CDH12: variants seen among roughly 807,000 people sequenced by gnomAD.
CDH12 encodes the protein cadherin-12.
A neutral mutation model predicts 74.1 loss-of-function variants in CDH12; 41 were observed. That is an observed-to-expected ratio of 0.55 (90% CI 0.43 to 0.72). CDH12 has a LOEUF of 0.72. Ranked by LOEUF, CDH12 falls within the 30% of genes least tolerant of loss-of-function variation. The pLI, the probability that CDH12 is intolerant of heterozygous loss-of-function variation, is 0.00. For missense variants in CDH12, 945 were observed against 977.2 expected (o/e 0.97, Z 0.44); for synonymous variants, 399 against 355.0 (o/e 1.12, Z -1.39).
At chr5:22,094,472 C>A (rs1743625853) in intron 4 of CDH12, among the ~76,000 whole-genome samples, 1 of 152,036 alleles carries the variant, frequency 6.6e-6, no homozygotes, top group Non-Finnish European at 1.5e-5. Context: ...GCACAAAGTA[C>A]ATTTCTCAGA....
intron 12 of CDH12, 87 bp from the exon 13 acceptor site, chr5:21,760,762 C>T: frequency 1.3e-6 from 1 of 794,842 alleles, no homozygotes. Flanking sequence ...ATGAAGCATG[C>T]AAGTAGACAG....
intron 4 of CDH12, among the ~76,000 whole-genome samples, chr5:22,096,269 C>T (rs955525464): frequency 6.6e-6 from 1 of 152,116 alleles, no homozygotes; most frequent in South Asian, 2.1e-4. Context: ...ATTTTTCCGT[C>T]CTACAAGATC....
intron 4 of CDH12, among the ~76,000 whole-genome samples, chr5:22,187,468 G>T (rs7713758): frequency 0.98 from 147,920 of 151,320 alleles, 72,418 homozygotes; most frequent in East Asian, 1. Flanking sequence ...CCATAACTGT[G>T]GCCATTTAAT....
intron 2 of CDH12, among the ~76,000 whole-genome samples, chr5:22,422,755 G>A (rs187142677): frequency 1.3e-5 from 2 of 152,068 alleles, no homozygotes; most frequent in East Asian, 1.9e-4. Flanking sequence ...AGTTACAGAT[G>A]GGCATTCATT....
intron 1 of CDH12, among the ~76,000 whole-genome samples, chr5:22,566,070 A>G (rs79764720): frequency 6.6e-6 from 1 of 152,192 alleles, no homozygotes; most frequent in Admixed American, 6.5e-5. Flanking sequence ...GAAGTATGTT[A>G]CAGATTCCAT....
intron 5 of CDH12, among the ~76,000 whole-genome samples, chr5:22,005,175 G>A (rs1330160553): frequency 6.6e-6 from 1 of 152,016 alleles, no homozygotes; most frequent in East Asian, 1.9e-4. Context: ...TGGGTAGCTG[G>A]GATTACAGGC....
At chr5:21,860,200 G>C (rs1750970815) in intron 6 of CDH12, among the ~76,000 whole-genome samples, 1 of 151,938 alleles carries the variant, frequency 6.6e-6, no homozygotes, top group Non-Finnish European at 1.5e-5. Context: ...GTATACATTT[G>C]TACTAAGAAA....
At chr5:22,758,432 CA>C (rs1192722453) in intron 1 of CDH12, among the ~76,000 whole-genome samples, 2 of 152,064 alleles carry the variant, frequency 1.3e-5, no homozygotes, top group East Asian at 3.9e-4. Context: ...CACAAAAAAG[CA>C]AACAAACAAA....
intron 1 of CDH12, among the ~76,000 whole-genome samples, chr5:22,801,180 A>G (rs1488924393): frequency 6.6e-6 from 1 of 152,192 alleles, no homozygotes; most frequent in Non-Finnish European, 1.5e-5. Context: ...TTAGTTCCTG[A>G]GTCTTCATAC....
intron 1 of CDH12, among the ~76,000 whole-genome samples, chr5:22,770,221 G>A (rs930185013): frequency 6.6e-6 from 1 of 151,938 alleles, no homozygotes; most frequent in African/African-American, 2.4e-5. Flanking sequence ...AAAGAAATCT[G>A]AAACCTCTAC....
intron 1 of CDH12, among the ~76,000 whole-genome samples, chr5:22,607,936 T>C (rs1307588678): frequency 1.3e-5 from 2 of 152,204 alleles, no homozygotes; most frequent in African/African-American, 2.4e-5. Flanking sequence ...TGGGAACACC[T>C]GGAAGTCCAG....
intron 1 of CDH12, among the ~76,000 whole-genome samples, chr5:22,749,974 C>T (rs2127032547): frequency 6.6e-6 from 1 of 152,312 alleles, no homozygotes; most frequent in African/African-American, 2.4e-5. Flanking sequence ...ACTTCTTCCA[C>T]CTTCATTTAC....
chr5:21,892,779 TTTGGTTTCAGGA>T (rs1752953962), intron 6 of CDH12, among the ~76,000 whole-genome samples: 1 of 152,186 alleles, frequency 6.6e-6, no homozygotes, highest in African/African-American at 2.4e-5. Context: ...TGCTGCCTGA[TTTGGTTTCAGGA>T]AAAGCAAAAG....
chr5:22,126,932 G>A (rs2150282611), intron 4 of CDH12, among the ~76,000 whole-genome samples: 1 of 152,252 alleles, frequency 6.6e-6, no homozygotes, highest in East Asian at 1.9e-4. Context: ...TCATTCCCGT[G>A]TTAAAATACG....
chr5:22,197,308 C>T (rs1352239722), intron 4 of CDH12, among the ~76,000 whole-genome samples: 8 of 151,954 alleles, frequency 5.3e-5, no homozygotes, highest in East Asian at 1.9e-4. Flanking sequence ...ATTAGCTGGG[C>T]GTGGTGGCAG....
intron 2 of CDH12, among the ~76,000 whole-genome samples, chr5:22,503,040 G>A (rs561320635): frequency 6.6e-6 from 1 of 151,742 alleles, no homozygotes; most frequent in African/African-American, 2.4e-5. Flanking sequence ...AACTACTACA[G>A]GAAGAAAAAA....
chr5:22,316,641 T>A (rs2150433646), intron 3 of CDH12, among the ~76,000 whole-genome samples: 1 of 152,236 alleles, frequency 6.6e-6, no homozygotes, highest in South Asian at 2.1e-4. Context: ...ATTCCAAAAT[T>A]GTATCTATAC....
intron 1 of CDH12, among the ~76,000 whole-genome samples, chr5:22,648,934 G>A (rs897317041): frequency 6.6e-5 from 10 of 151,920 alleles, no homozygotes; most frequent in African/African-American, 2.2e-4. Context: ...ATGGACAAAT[G>A]TGATAATATT....
chr5:21,912,702 C>T (rs1175052303), intron 6 of CDH12, among the ~76,000 whole-genome samples: 2 of 152,140 alleles, frequency 1.3e-5, no homozygotes, highest in East Asian at 1.9e-4. Context: ...CATGACATCC[C>T]AATTCTGGGC....
Sources: gnomAD v4.1 joint callset for allele counts (sites outside exome capture counted in the v4.1 genomes callset) on GRCh38, gnomAD v4.1.1 for gene constraint, MANE v1.5 for transcripts, NCBI Gene and HGNC (gene_info 2026-07-23, HGNC 2026-07-21) for gene names.